TARS3: variants seen among roughly 807,000 people sequenced by gnomAD.
The protein encoded by TARS3 is threonine--tRNA ligase 2, cytoplasmic.
TARS3 carries 94 observed loss-of-function variants against 103.5 expected under a neutral mutation model. The ratio of observed to expected loss-of-function variants is 0.91; its 90% confidence interval spans 0.77 to 1.08. TARS3 has a LOEUF of 1.08. TARS3 is among the 50% of genes least tolerant of loss of function. The probability of loss-of-function intolerance (pLI) is 0.00; values close to 1 mark genes in which losing one functional copy is unlikely to be tolerated. For missense variants in TARS3, 952 were observed against 995.2 expected (o/e 0.96, Z 0.58); for synonymous variants, 416 against 355.4 (o/e 1.17, Z -1.92).
chr15:101,686,259 G>A (rs868028941), intron 10 of TARS3, among the ~76,000 whole-genome samples, 197 bp from the exon 11 acceptor site: 2 of 152,084 alleles, frequency 1.3e-5, no homozygotes, highest in Admixed American at 6.6e-5. Flanking sequence ...AATTTCTATT[G>A]AGTATATTTA....
At chr15:101,674,937 CT>C (rs1226857858) in intron 13 of TARS3, among the ~76,000 whole-genome samples, 1 of 152,124 alleles carries the variant, frequency 6.6e-6, no homozygotes, top group African/African-American at 2.4e-5. Context: ...CACTTGGGGT[CT>C]TATTCCCATG....
intron 12 of TARS3, among the ~76,000 whole-genome samples, chr15:101,680,353 A>C (rs1001035913): frequency 6.6e-6 from 1 of 152,238 alleles, no homozygotes; most frequent in Admixed American, 6.5e-5. Context: ...GGCTACAGCA[A>C]GCAGACTTCT....
intron 3 of TARS3, among the ~76,000 whole-genome samples, chr15:101,720,491 G>A (rs1900393815): frequency 6.6e-6 from 1 of 152,110 alleles, no homozygotes; most frequent in Non-Finnish European, 1.5e-5. Context: ...GACGAATAAA[G>A]TCAGTGTAAA....
chr15:101,661,877 C>T, intron 15 of TARS3, 61 bp from the exon 16 acceptor site: 1 of 1,035,316 alleles, frequency 9.7e-7, no homozygotes, highest in Non-Finnish European at 1.4e-6. Flanking sequence ...ATCTTCTAGC[C>T]TTATATTTAA....
At chr15:101,660,341 ATGT>A (rs947906588) in intron 16 of TARS3, among the ~76,000 whole-genome samples, 3 of 152,194 alleles carry the variant, frequency 2.0e-5, no homozygotes, top group African/African-American at 4.8e-5. Flanking sequence ...TCATCACAAG[ATGT>A]TGTCTGCCAG....
intron 5 of TARS3, 134 bp downstream of exon 5, chr15:101,711,746 T>C (rs976297365): frequency 4.9e-6 from 5 of 1,029,982 alleles, no homozygotes; most frequent in Non-Finnish European, 6.8e-6. Context: ...GATTTTCAAC[T>C]GCATGGGCGT....
intron 3 of TARS3, 142 bp downstream of exon 3, chr15:101,720,984 C>G: frequency 1.4e-6 from 1 of 737,596 alleles, no homozygotes; most frequent in Admixed American, 2.6e-5. Flanking sequence ...AATCTTCTTC[C>G]TTTATAAATA....
intron 2 of TARS3, among the ~76,000 whole-genome samples, chr15:101,722,108 G>A (rs1031372176): frequency 1.3e-5 from 2 of 151,948 alleles, no homozygotes; most frequent in African/African-American, 4.8e-5. Context: ...AAGAGCATGT[G>A]TACTTCCCAC....
At chr15:101,696,978 A>G (rs1044111634) in intron 10 of TARS3, among the ~76,000 whole-genome samples, 1 of 152,200 alleles carries the variant, frequency 6.6e-6, no homozygotes, top group Non-Finnish European at 1.5e-5. Flanking sequence ...TCCACCCCAA[A>G]GTGAACAAGG....
At chr15:101,663,966 A>T (rs1183786634) in intron 15 of TARS3, among the ~76,000 whole-genome samples, 2 of 152,190 alleles carry the variant, frequency 1.3e-5, no homozygotes, top group Admixed American at 1.3e-4. Flanking sequence ...GAATGTAATG[A>T]ATGACAACAG....
At chr15:101,711,635 G>A (rs960658068) in intron 5 of TARS3, among the ~76,000 whole-genome samples, 4 of 152,184 alleles carry the variant, frequency 2.6e-5, no homozygotes, top group Admixed American at 2.0e-4. Context: ...ATACACCTAA[G>A]ATACAAACTA....
chr15:101,707,299 C>T (rs1486537695), intron 6 of TARS3, among the ~76,000 whole-genome samples: 1 of 152,166 alleles, frequency 6.6e-6, no homozygotes, highest in Non-Finnish European at 1.5e-5. Flanking sequence ...AACTTAAAAA[C>T]AGAATTGCCA....
Position 101,653,806 on chromosome 15 carries a change from TTCC to T in TARS3, c.*773_*775del, listed in dbSNP as rs1897098090. Reference sequence around the variant, plus strand: ...AATTCAGTTCTGAGCACGTAGAGCATTCCTCTCTTTAAAATCTGAAATCCATTT... The same window carrying T: ...AATTCAGTTCTGAGCACGTAGAGCATTCTCTTTAAAATCTGAAATCCATTT... On this transcript the variant is annotated 3_prime_UTR_variant, in exon 19 of 19. Coordinates refer to ENST00000335968, the MANE Select transcript of TARS3 (RefSeq NM_152334.3). 6.6e-6 allele frequency: 1 copy of T among 152,390 alleles called. No homozygotes were observed. The highest frequency in any genetic ancestry group is 2.4e-5 in the African/African-American group (1 of 41,584). The allele number at this position is 152,390 out of a possible 1,614,324, so 9.4% of individuals were successfully genotyped here. A position where few individuals can be genotyped will look rare whatever the true frequency, so the allele number is the denominator to read the frequency against.
intron 12 of TARS3, among the ~76,000 whole-genome samples, chr15:101,678,743 T>C (rs1339097286): frequency 3.3e-5 from 5 of 152,170 alleles, no homozygotes; most frequent in Admixed American, 6.5e-5. Flanking sequence ...ATATATTGTA[T>C]TTACCTGTTT....
chr15:101,719,953 A>G (rs912512616), intron 3 of TARS3, among the ~76,000 whole-genome samples: 2 of 152,196 alleles, frequency 1.3e-5, no homozygotes, highest in Non-Finnish European at 2.9e-5. Context: ...TGCTTTTCTA[A>G]CAAGTTTCCA....
chr15:101,668,045 A>G (rs756679502), intron 15 of TARS3, among the ~76,000 whole-genome samples: 1 of 152,230 alleles, frequency 6.6e-6, no homozygotes, highest in Non-Finnish European at 1.5e-5. Context: ...CTTTCTCCAC[A>G]TCAGCAAGAA....
chr15:101,719,666 G>C (rs960395717), intron 3 of TARS3, among the ~76,000 whole-genome samples: 1 of 152,212 alleles, frequency 6.6e-6, no homozygotes, highest in African/African-American at 2.4e-5. Flanking sequence ...TGGCCTCAAA[G>C]CATCATTGCT....
chr15:101,690,091 TG>T lies in TARS3; in HGVS notation c.1321-4030del, dbSNP rs370901678. 2.4e-4 allele frequency among the ~76,000 whole-genome samples: 36 copies of T among 152,322 alleles called. No individual in the cohort carries two copies. In the East Asian group the frequency reaches 3.7e-3, roughly 16 times the overall value. ...TGACACATCGGCTGATCGGAGTTTG[TG>T]GGAGGAAACCAATGTCCTCAGTGTC... On this transcript the variant is annotated intron_variant, in intron 10 of 18. Transcript: ENST00000335968.
intron 10 of TARS3, among the ~76,000 whole-genome samples, chr15:101,693,544 A>C (rs1311750270): frequency 6.6e-6 from 1 of 151,966 alleles, no homozygotes; most frequent in Non-Finnish European, 1.5e-5. Context: ...CTGAAATCAC[A>C]CTCCTAGGTA....
Sources: gnomAD v4.1 joint callset for allele counts (sites outside exome capture counted in the v4.1 genomes callset) on GRCh38, gnomAD v4.1.1 for gene constraint, MANE v1.5 for transcripts, NCBI Gene and HGNC (gene_info 2026-07-23, HGNC 2026-07-21) for gene names.